Variants in TMEM120B observed in about 807,000 individuals in gnomAD.
The protein encoded by TMEM120B is transmembrane protein 120B.
TMEM120B carries 31 observed loss-of-function variants against 55.5 expected under a neutral mutation model. The observed-to-expected ratio is 0.56, with a 90% CI of 0.42 to 0.75. The LOEUF (loss-of-function observed/expected upper bound fraction) is 0.75. Among genes scored for constraint, TMEM120B ranks in the 30% least tolerant of loss-of-function variants. The probability of loss-of-function intolerance (pLI) is 0.00; values close to 1 mark genes in which losing one functional copy is unlikely to be tolerated. For synonymous variants in TMEM120B, 203 were observed against 176.3 expected (o/e 1.15, Z -1.20); for missense variants, 399 against 425.5 (o/e 0.94, Z 0.55).
chr12:121,760,100 C>T (rs1217867768), intron 5 of TMEM120B, among the ~76,000 whole-genome samples: 1 of 146,622 alleles, frequency 6.8e-6, no homozygotes, highest in African/African-American at 2.5e-5. Flanking sequence ...CACCGCACTC[C>T]AGCCTGGCCC....
At chr12:121,750,717 CCCACACCCTACA>C (rs1873261503) in intron 4 of TMEM120B, among the ~76,000 whole-genome samples, 1 of 142,194 alleles carries the variant, frequency 7.0e-6, no homozygotes, top group Non-Finnish European at 1.5e-5. Context: ...CAACACCCCA[CCCACACCCTACA>C]CCCACACCCC....
chr12:121,753,264 A>G (rs984283378), intron 5 of TMEM120B, among the ~76,000 whole-genome samples: 3 of 152,204 alleles, frequency 2.0e-5, no homozygotes, highest in South Asian at 2.1e-4. Context: ...AGGCAAATCT[A>G]TAGAGACGGG....
At chr12:121,720,603 C>T (rs530700551) in intron 1 of TMEM120B, among the ~76,000 whole-genome samples, 62 of 151,976 alleles carry the variant, frequency 4.1e-4, no homozygotes, top group African/African-American at 1.4e-3. Flanking sequence ...TTCAGCTACT[C>T]GGGTGGTTGA....
chr12:121,739,610 C>T (rs892250027), intron 1 of TMEM120B, among the ~76,000 whole-genome samples: 2 of 151,806 alleles, frequency 1.3e-5, no homozygotes, highest in Non-Finnish European at 2.9e-5. Context: ...GTAGCTGGGA[C>T]TACAGGCGCC....
At chr12:121,726,254 G>A (rs942314246) in intron 1 of TMEM120B, among the ~76,000 whole-genome samples, 1 of 151,936 alleles carries the variant, frequency 6.6e-6, no homozygotes, top group South Asian at 2.1e-4. Flanking sequence ...GAATTGTATG[G>A]CATGTAAATT....
intron 2 of TMEM120B, among the ~76,000 whole-genome samples, chr12:121,746,750 C>T (rs558965700): frequency 3.4e-4 from 52 of 152,078 alleles, no homozygotes; most frequent in African/African-American, 1.2e-3. Flanking sequence ...GTCAGGAGAT[C>T]GAGACCATCC....
At chr12:121,716,178 C>A (rs1288862366) in intron 1 of TMEM120B, among the ~76,000 whole-genome samples, 2 of 151,156 alleles carry the variant, frequency 1.3e-5, no homozygotes, top group East Asian at 3.9e-4. Context: ...TGTGGTGGTG[C>A]ATGGTTGTGG....
At chr12:121,766,960 G>A (rs1173094474) in intron 6 of TMEM120B, among the ~76,000 whole-genome samples, 14 of 152,212 alleles carry the variant, frequency 9.2e-5, no homozygotes, top group Non-Finnish European at 1.5e-4. Flanking sequence ...CACAGAGCCA[G>A]GAGTGGCCTG....
At chr12:121,755,166 C>G (rs1473744605) in intron 5 of TMEM120B, among the ~76,000 whole-genome samples, 3 of 152,214 alleles carry the variant, frequency 2.0e-5, no homozygotes, top group African/African-American at 7.2e-5. Flanking sequence ...CCTCTTGCCC[C>G]TCTTGGGATG....
intron 1 of TMEM120B, among the ~76,000 whole-genome samples, chr12:121,738,841 G>A (rs1456300769): frequency 6.6e-6 from 1 of 152,092 alleles, no homozygotes; most frequent in African/African-American, 2.4e-5. Context: ...GGAAACATCC[G>A]CAGACCCCCA....
chr12:121,769,584 A>T (rs146062240), intron 6 of TMEM120B, among the ~76,000 whole-genome samples: 2 of 151,830 alleles, frequency 1.3e-5, no homozygotes, highest in East Asian at 3.9e-4. Context: ...CACGCCTGTG[A>T]TCCCAGCTAC....
At chr12:121,771,037 G>A in intron 7 of TMEM120B, 65 bp downstream of exon 7, 1 of 1,551,654 alleles carries the variant, frequency 6.4e-7, no homozygotes, top group Non-Finnish European at 8.8e-7. Context: ...CCGGGAATGG[G>A]GAGGGGGCTG....
intron 1 of TMEM120B, among the ~76,000 whole-genome samples, chr12:121,724,030 CTTTTTTTTTTTTT>C (rs56972824): frequency 1.3e-5 from 1 of 75,962 alleles, no homozygotes; most frequent in Non-Finnish European, 2.4e-5. Context: ...TCAAGTGATC[CTTTTTTTTTTTTT>C]TTTTTTTTTT....
At chr12:121,748,595 T>C (rs901973198) in intron 3 of TMEM120B, among the ~76,000 whole-genome samples, 153 bp downstream of exon 3, 1 of 151,936 alleles carries the variant, frequency 6.6e-6, no homozygotes, top group African/African-American at 2.4e-5. Context: ...CCTTACACAT[T>C]CCTCCATGAG....
intron 8 of TMEM120B, 141 bp from the exon 9 acceptor site, chr12:121,773,280 C>T (rs918147248): frequency 9.3e-6 from 6 of 644,488 alleles, no homozygotes; most frequent in South Asian, 1.9e-5. Flanking sequence ...GGTGTGTGGG[C>T]GTGGGAGAGG....
Position 121,750,395 on chromosome 12 carries a change from G to A in TMEM120B, c.321G>A (p.Leu107=), listed in dbSNP as rs1236222083. The A allele has an allele frequency of 4.3e-6, 7 of 1,612,290 alleles. No individual in the cohort carries two copies. The highest frequency in any genetic ancestry group is 1.3e-5 in the African/African-American group (1 of 74,616). Residue 107 remains leucine, a synonymous_variant, in exon 4 of 12, where the codon CTG becomes CTA. Coordinates refer to ENST00000449592, the MANE Select transcript of TMEM120B (RefSeq NM_001080825.2). ...LPKKNGLYLN[L]VLGNVNVTLL... ...TTCCTTCCAGGCTCTACTTGAACCT[G>A]GTCCTCGGCAATGTGAACGTGACCC...
chr12:121,744,858 C>T (rs559563192), intron 2 of TMEM120B, among the ~76,000 whole-genome samples: 46 of 152,240 alleles, frequency 3.0e-4, no homozygotes, highest in Non-Finnish European at 5.1e-4. Context: ...AATGGAGGCC[C>T]GCAACTAAGG....
At chr12:121,738,367 C>T (rs1325972653) in intron 1 of TMEM120B, among the ~76,000 whole-genome samples, 1 of 152,122 alleles carries the variant, frequency 6.6e-6, no homozygotes, top group Non-Finnish European at 1.5e-5. Flanking sequence ...AGATGAGGGC[C>T]TGATGAGCAT....
At chr12:121,717,001 T>C (rs1161440782) in intron 1 of TMEM120B, among the ~76,000 whole-genome samples, 1 of 152,050 alleles carries the variant, frequency 6.6e-6, no homozygotes, top group African/African-American at 2.4e-5. Context: ...AAAGGATCAG[T>C]TTTCTTTGGA....
Sources: allele counts gnomAD v4.1 joint callset (sites outside exome capture counted in the v4.1 genomes callset), GRCh38; gene constraint gnomAD v4.1.1; transcripts MANE v1.5; gene names NCBI Gene and HGNC (gene_info 2026-07-23, HGNC 2026-07-21).